Variants in FOXO1 observed in about 807,000 individuals in gnomAD.
FOXO1 encodes forkhead box protein O1.
In FOXO1, 6 loss-of-function variants were observed where a neutral mutation model predicts 44.1. The ratio of observed to expected loss-of-function variants is 0.14; its 90% CI spans 0.07 to 0.27. The LOEUF is 0.27. FOXO1 is among the 10% of genes least tolerant of loss of function. The pLI is 1.00. For missense variants in FOXO1, 737 were observed against 888.8 expected (o/e 0.83, Z 2.17); for synonymous variants, 380 against 362.7 (o/e 1.05, Z -0.54).
In FOXO1 at chr13:40,559,744, T is replaced by C. The variant is rs1240107443; in HGVS notation, c.1747A>G (p.Ser583Gly). ...CCCATTCTGCCATAGCCATTGCAGC[T>C]GCTCACGGAGGAGTAGCCCCCCAGG... ...SALGGYSSVS[S>G]CNGYGRMGLL... is the part of the protein sequence containing the mutation. The change falls in exon 2 of 3, where the codon AGC becomes GGC. Residue 583 changes from serine to glycine, a missense_variant. Transcript: ENST00000379561. 1 of 1,613,422 alleles carries C rather than the reference T, an allele frequency of 6.2e-7. No individual in the cohort carries two copies. The highest frequency in any genetic ancestry group is 8.5e-7 in the Non-Finnish European group (1 of 1,179,610).
At chr13:40,606,670 G>A (rs1876012113) in intron 1 of FOXO1, among the ~76,000 whole-genome samples, 1 of 152,102 alleles carries the variant, frequency 6.6e-6, no homozygotes, top group South Asian at 2.1e-4. Flanking sequence ...TGGGGCTGGG[G>A]GAGAGGCAGG....
chr13:40,629,787 G>A (rs1876902867), intron 1 of FOXO1, among the ~76,000 whole-genome samples: 1 of 152,102 alleles, frequency 6.6e-6, no homozygotes, highest in Non-Finnish European at 1.5e-5. Context: ...AGTGGGTTGT[G>A]GGCTTCGGCT....
intron 1 of FOXO1, among the ~76,000 whole-genome samples, chr13:40,592,759 A>G (rs1434395495): frequency 6.6e-6 from 1 of 152,108 alleles, no homozygotes; most frequent in Non-Finnish European, 1.5e-5. Context: ...AATAATCCCA[A>G]TCCCTATTTT....
chr13:40,617,019 A>C (rs1002779922), intron 1 of FOXO1, among the ~76,000 whole-genome samples: 3 of 152,252 alleles, frequency 2.0e-5, no homozygotes, highest in Admixed American at 2.0e-4. Context: ...TACTGGATCC[A>C]AGTCACTCGA....
rs560953489 is a variant in FOXO1, at chr13:40,556,853, C to G, written c.*2196G>C. ...TCCTTGTATTATGATGCAGTAATGG[C>G]ACGGGAGGAAAGTGACAGTACGTAG... On this transcript the variant is annotated 3_prime_UTR_variant, in exon 3 of 3. Coordinates refer to ENST00000379561, the MANE Select transcript of FOXO1 (RefSeq NM_002015.4). 1 of 152,062 alleles carries G rather than the reference C, an allele frequency of 6.6e-6. No homozygotes were observed. Among genetic ancestry groups the G allele is most frequent in the African/African-American group, 2.4e-5 (1 of 41,394 alleles). 9.4% of individuals were successfully genotyped at this position (152,062 alleles called of 1,614,324 possible). A position where few individuals can be genotyped will look rare whatever the true frequency, so the allele number is the denominator to read the frequency against.
intron 1 of FOXO1, among the ~76,000 whole-genome samples, chr13:40,584,760 T>C (rs1875093708): frequency 6.6e-6 from 1 of 152,206 alleles, no homozygotes; most frequent in African/African-American, 2.4e-5. Context: ...AATTCCCCTT[T>C]CCTGAAGGCA....
rs1873855682 is a variant in FOXO1, at chr13:40,558,746, A to T, written c.*303T>A. 5.0e-6 allele frequency: 2 copies of T among 398,632 alleles called. No homozygotes were observed. Among genetic ancestry groups the T allele is most frequent in the African/African-American group, 2.1e-5 (1 of 48,648 alleles). 24.7% of individuals were successfully genotyped at this position (398,632 alleles called of 1,614,324 possible). ...AACTTGAAAGCACACCAGGATCTGA[A>T]AATCTTTTCTGCAATTATATGGTGT... On this transcript the variant is annotated 3_prime_UTR_variant, in exon 3 of 3. Coordinates refer to ENST00000379561, the MANE Select transcript of FOXO1 (RefSeq NM_002015.4).
At chr13:40,594,212 G>C (rs1036578939) in intron 1 of FOXO1, among the ~76,000 whole-genome samples, 1 of 152,080 alleles carries the variant, frequency 6.6e-6, no homozygotes, top group Non-Finnish European at 1.5e-5. Flanking sequence ...TTAATGGATA[G>C]TGAACAAAAA....
At chr13:40,606,062 C>T (rs909852504) in intron 1 of FOXO1, among the ~76,000 whole-genome samples, 3 of 152,004 alleles carry the variant, frequency 2.0e-5, no homozygotes, top group African/African-American at 7.2e-5. Context: ...TGTAGAATAA[C>T]AATTTTTCCA....
At chr13:40,641,713 G>T (rs993817211) in intron 1 of FOXO1, among the ~76,000 whole-genome samples, 1 of 149,558 alleles carries the variant, frequency 6.7e-6, no homozygotes, top group South Asian at 2.1e-4. Context: ...AGCTGGGTGC[G>T]GTGGCTCACA....
At chr13:40,582,439 C>G (rs1205348404) in intron 1 of FOXO1, among the ~76,000 whole-genome samples, 1 of 152,216 alleles carries the variant, frequency 6.6e-6, no homozygotes, top group African/African-American at 2.4e-5. Flanking sequence ...TTGACTCTTT[C>G]TTTCACGAAA....
Position 40,559,819 on chromosome 13 carries a change from C to T in FOXO1, c.1672G>A (p.Val558Met). 6.2e-7 allele frequency: 1 copy of T among 1,614,072 alleles called. No homozygotes were observed. The change falls in exon 2 of 3, where the codon GTG becomes ATG. Residue 558 changes from valine (V) to methionine (M), a missense_variant. This residue lies in a region of FOXO1 where 283 missense variants were observed against 278.1 expected (regional missense o/e 1.02). Transcript: ENST00000379561. ...HTSGMNRLTQ[V>M]KTPVQVPLPH... ...AGAGGCACTTGTACAGGTGTCTTCA[C>T]TTGGGTCAGGCGGTTCATACCCGAG...
Position 40,557,198 on chromosome 13 carries a change from T to C in FOXO1, c.*1851A>G, listed in dbSNP as rs1402839365. 1.3e-5 allele frequency: 2 copies of C among 152,104 alleles called. No homozygotes were observed. The highest frequency in any genetic ancestry group is 4.8e-5 in the African/African-American group (2 of 41,412). The allele number at this position is 152,104 out of a possible 1,614,324, so 9.4% of individuals were successfully genotyped here. ...GTGATGTGGGCTATATACAGAAAAA[T>C]TAGATCCTTCTCAAGAACACAAGAG... On this transcript the variant is annotated 3_prime_UTR_variant, in exon 3 of 3. Coordinates refer to ENST00000379561, the MANE Select transcript of FOXO1 (RefSeq NM_002015.4).
At chr13:40,601,439 A>G (rs889085687) in intron 1 of FOXO1, among the ~76,000 whole-genome samples, 1 of 152,246 alleles carries the variant, frequency 6.6e-6, no homozygotes, top group Non-Finnish European at 1.5e-5. Flanking sequence ...ACAAAGTGGA[A>G]GCACTGCTAA....
chr13:40,648,229 A>G (rs1406128941), intron 1 of FOXO1, among the ~76,000 whole-genome samples: 1 of 152,228 alleles, frequency 6.6e-6, no homozygotes, highest in Non-Finnish European at 1.5e-5. Flanking sequence ...GCACACTCAT[A>G]AACTTTTAGT....
intron 1 of FOXO1, among the ~76,000 whole-genome samples, chr13:40,636,166 G>T (rs1054074858): frequency 2.0e-5 from 3 of 151,820 alleles, no homozygotes; most frequent in African/African-American, 7.3e-5. Context: ...AGTGAACTCA[G>T]ATCTCACCAC....
intron 1 of FOXO1, among the ~76,000 whole-genome samples, chr13:40,653,135 A>C (rs1042112986): frequency 6.6e-6 from 1 of 151,854 alleles, no homozygotes; most frequent in Non-Finnish European, 1.5e-5. Context: ...ACGCCTGGCT[A>C]ATTTTTGTGT....
intron 1 of FOXO1, among the ~76,000 whole-genome samples, chr13:40,591,806 A>G (rs1402591908): frequency 1.3e-5 from 2 of 152,042 alleles, no homozygotes; most frequent in African/African-American, 2.4e-5. Context: ...GGTCCAAGCA[A>G]TTCTCATACC....
At position 40,559,911 on chromosome 13, in the gene FOXO1, T is replaced by A; in HGVS notation, c.1580A>T (p.His527Leu). The change falls in exon 2 of 3, where the codon CAT becomes CTT. Residue 527 changes from histidine (H) to leucine (L), a missense_variant. Physicochemically the swap from His to Leu is moderately conservative, Grantham distance 99. Around this residue, in one of 7 missense-constraint regions of FOXO1, gnomAD observed 283 missense variants for 278.1 expected, o/e 1.02. Transcript: ENST00000379561. ...GTTAACTGCAGATGTCTGCTGAGCA[T>A]GTCCAGGGTGGGTATGGGAGCTGGG... ...MNPSSHTHPG[H>L]AQQTSAVNGR... 1 of 1,614,206 alleles carries A rather than the reference T, an allele frequency of 6.2e-7. No homozygotes were observed. Among genetic ancestry groups the A allele is most frequent in the Admixed American group, 1.7e-5 (1 of 60,026 alleles).
Sources: gnomAD v4.1 joint callset for allele counts (sites outside exome capture counted in the v4.1 genomes callset) on GRCh38, gnomAD v4.1.1 for gene constraint, gnomAD v4.1.1 regional missense constraint, MANE v1.5 for transcripts, NCBI Gene and HGNC (gene_info 2026-07-23, HGNC 2026-07-21) for gene names.